The following CHST9 variants were observed in gnomAD, a reference collection of about 807,000 sequenced individuals.
CHST9 encodes the protein carbohydrate sulfotransferase 9, also known as GalNAc-4-sulfotransferase 2.
CHST9 carries 41 observed loss-of-function variants against 44.4 expected under a neutral mutation model. The ratio of observed to expected loss-of-function variants is 0.92; its 90% CI spans 0.72 to 1.20. The LOEUF is 1.20. Among genes scored for constraint, CHST9 ranks in the 50% most tolerant of loss-of-function variants. CHST9 has a pLI of 0.00. For missense variants in CHST9, 504 were observed against 516.5 expected (o/e 0.98, Z 0.23); for synonymous variants, 171 against 178.4 (o/e 0.96, Z 0.33).
intron 1 of CHST9, among the ~76,000 whole-genome samples, chr18:27,151,490 T>G (rs1426556220): frequency 6.6e-6 from 1 of 152,068 alleles, no homozygotes; most frequent in African/African-American, 2.4e-5. Context: ...CTGGAAGCTG[T>G]GAATATGTGA....
At chr18:27,146,860 TTTTA>T (rs1002462761) in intron 1 of CHST9, among the ~76,000 whole-genome samples, 8 of 152,212 alleles carry the variant, frequency 5.3e-5, no homozygotes, top group African/African-American at 1.4e-4. Flanking sequence ...TTGCATATCT[TTTTA>T]TTTATCTCTA....
intron 1 of CHST9, among the ~76,000 whole-genome samples, chr18:27,161,968 T>A (rs2058750925): frequency 6.6e-6 from 1 of 151,900 alleles, no homozygotes; most frequent in Non-Finnish European, 1.5e-5. Flanking sequence ...TTGGTAGATC[T>A]TCCTCCATCC....
intron 1 of CHST9, among the ~76,000 whole-genome samples, chr18:27,158,286 G>C (rs1051854311): frequency 1.4e-5 from 2 of 147,972 alleles, no homozygotes; most frequent in East Asian, 2.0e-4. Flanking sequence ...CCCAGTGTGT[G>C]ATGTTCCCCT....
intron 4 of CHST9, among the ~76,000 whole-genome samples, chr18:26,963,088 C>T (rs1448511506): frequency 6.6e-6 from 1 of 152,102 alleles, no homozygotes; most frequent in African/African-American, 2.4e-5. Context: ...ATACTGAGGG[C>T]ATATTATGTA....
At chr18:27,001,578 T>C (rs1246463530) in intron 4 of CHST9, among the ~76,000 whole-genome samples, 1 of 152,010 alleles carries the variant, frequency 6.6e-6, no homozygotes, top group Non-Finnish European at 1.5e-5. Context: ...GGCCTGCCTC[T>C]AACTTTGTCT....
At chr18:26,944,974 A>G (rs1180275411) in intron 4 of CHST9, among the ~76,000 whole-genome samples, 1 of 152,214 alleles carries the variant, frequency 6.6e-6, no homozygotes, top group Non-Finnish European at 1.5e-5. Flanking sequence ...ATAAAAAATA[A>G]GGATTCTAAT....
chr18:27,168,264 C>T (rs966019135), intron 1 of CHST9, among the ~76,000 whole-genome samples: 5 of 151,868 alleles, frequency 3.3e-5, no homozygotes, highest in East Asian at 3.9e-4. Flanking sequence ...TTAGTAGAGA[C>T]GGGGTTTCAC....
chr18:27,126,872 G>A (rs1308160271), intron 2 of CHST9, among the ~76,000 whole-genome samples: 2 of 152,152 alleles, frequency 1.3e-5, no homozygotes, highest in African/African-American at 4.8e-5. Context: ...TTGTGACATA[G>A]ACTGAGGCAG....
chr18:27,026,600 T>C (rs2057287658), intron 3 of CHST9, among the ~76,000 whole-genome samples: 1 of 152,214 alleles, frequency 6.6e-6, no homozygotes, highest in Non-Finnish European at 1.5e-5. Flanking sequence ...TGTATATTTG[T>C]ACATAATAAA....
chr18:26,946,020 C>T (rs1291394658), intron 4 of CHST9, among the ~76,000 whole-genome samples: 2 of 152,142 alleles, frequency 1.3e-5, no homozygotes, highest in Non-Finnish European at 2.9e-5. Flanking sequence ...TGGGCTATTT[C>T]ATGGTGTCAT....
rs556724043 is a variant in CHST9, at chr18:26,914,087, G to T, written c.*2172C>A. The T allele has an allele frequency of 1.3e-5, 2 of 152,080 alleles. No individual in the cohort carries two copies. The highest frequency in any genetic ancestry group is 4.2e-4 in the South Asian group (2 of 4,816). The allele number at this position is 152,080 out of a possible 1,614,324, so 9.4% of individuals were successfully genotyped here. On this transcript the variant is annotated 3_prime_UTR_variant, in exon 6 of 6. Coordinates refer to ENST00000618847, the MANE Select transcript of CHST9 (RefSeq NM_031422.6). ...CAGGAAAGGAACATATACAGCAAAA[G>T]GTACAATACAGCTTTCCGTAGAGAA...
chr18:27,061,976 T>C (rs1028801361), intron 2 of CHST9, among the ~76,000 whole-genome samples: 4 of 152,162 alleles, frequency 2.6e-5, no homozygotes. Flanking sequence ...TAATCATTTC[T>C]CATGACCAAT....
At chr18:26,963,578 A>G (rs2056428051) in intron 4 of CHST9, among the ~76,000 whole-genome samples, 1 of 152,102 alleles carries the variant, frequency 6.6e-6, no homozygotes, top group Admixed American at 6.5e-5. Flanking sequence ...AGTATTAAAA[A>G]AAAAAAAAAA....
Position 26,908,104 on chromosome 18 carries a change from A to T in CHST9, c.*8155T>A, listed in dbSNP as rs188121892. The T allele has an allele frequency of 2.4e-3, 371 of 152,670 alleles. No homozygotes were observed. Among genetic ancestry groups the T allele is most frequent in the South Asian group, 7.0e-3 (34 of 4,838 alleles). The allele number at this position is 152,670 out of a possible 1,614,324, so 9.5% of individuals were successfully genotyped here. Reference sequence around the variant, plus strand: ...GTGGTGATGCTTGCACAACTACACTAAATGCTGCTGAACTGTACACTTAAA... The same window carrying T: ...GTGGTGATGCTTGCACAACTACACTTAATGCTGCTGAACTGTACACTTAAA... On this transcript the variant is annotated 3_prime_UTR_variant, in exon 6 of 6. Coordinates refer to ENST00000618847, the MANE Select transcript of CHST9 (RefSeq NM_031422.6).
At chr18:26,949,528 A>G (rs879202566) in intron 4 of CHST9, among the ~76,000 whole-genome samples, 1 of 152,134 alleles carries the variant, frequency 6.6e-6, no homozygotes, top group Admixed American at 6.5e-5. Context: ...AAACAAACAA[A>G]CAAACAAAAA....
intron 4 of CHST9, among the ~76,000 whole-genome samples, chr18:26,974,949 A>G (rs1280376852): frequency 6.6e-6 from 1 of 152,184 alleles, no homozygotes; most frequent in African/African-American, 2.4e-5. Context: ...TGTTGGGATT[A>G]CAGGCATGAG....
intron 1 of CHST9, among the ~76,000 whole-genome samples, chr18:27,180,593 CT>C (rs2058904204): frequency 6.6e-6 from 1 of 152,100 alleles, no homozygotes; most frequent in Admixed American, 6.6e-5. Context: ...GTTAACTCCC[CT>C]ACCTAACTAA....
At chr18:27,028,398 A>G (rs1157620859) in intron 3 of CHST9, among the ~76,000 whole-genome samples, 5 of 152,210 alleles carry the variant, frequency 3.3e-5, no homozygotes, top group Non-Finnish European at 5.9e-5. Context: ...CGCTTGGTCC[A>G]CATACATCTC....
At chr18:27,092,827 T>C (rs1028065621) in intron 2 of CHST9, among the ~76,000 whole-genome samples, 2 of 152,230 alleles carry the variant, frequency 1.3e-5, no homozygotes, top group African/African-American at 4.8e-5. Context: ...TTATAATTTC[T>C]ATTTTTTTAC....
Sources: gnomAD v4.1 joint callset for allele counts (sites outside exome capture counted in the v4.1 genomes callset) on GRCh38, gnomAD v4.1.1 for gene constraint, MANE v1.5 for transcripts, NCBI Gene and HGNC (gene_info 2026-07-23, HGNC 2026-07-21) for gene names.